The following PAG1 variants were observed in gnomAD, a reference collection of about 807,000 sequenced individuals.
The protein encoded by PAG1 is phosphoprotein membrane anchor with glycosphingolipid microdomains 1, also known as phosphoprotein associated with glycosphingolipid-enriched microdomains 1.
PAG1 carries 23 observed loss-of-function variants against 31.7 expected under a neutral mutation model. The ratio of observed to expected loss-of-function variants is 0.73; its 90% CI spans 0.52 to 1.03. The LOEUF (loss-of-function observed/expected upper bound fraction) is 1.03, where lower values mean the gene tolerates loss of function less well. Ranked by LOEUF, PAG1 falls within the 50% of genes least tolerant of loss-of-function variation. The pLI is 0.00. For missense variants in PAG1, 473 were observed against 540.7 expected (o/e 0.87, Z 1.24); for synonymous variants, 214 against 210.3 (o/e 1.02, Z -0.15).
At chr8:81,080,848 G>C (rs1043830562) in intron 1 of PAG1, among the ~76,000 whole-genome samples, 23 of 152,136 alleles carry the variant, frequency 1.5e-4, no homozygotes, top group African/African-American at 5.6e-4. Flanking sequence ...ATGGGATTTT[G>C]ATAGGAAAAG....
chr8:81,036,303 C>A (rs1391803773), intron 2 of PAG1, among the ~76,000 whole-genome samples: 1 of 152,170 alleles, frequency 6.6e-6, no homozygotes, highest in African/African-American at 2.4e-5. Context: ...GATATGCCTA[C>A]CAAACCAGTT....
In PAG1 at chr8:80,967,947, C is replaced by G. The variant is rs1806996707; in HGVS notation, c.*8597G>C. On this transcript the variant is annotated 3_prime_UTR_variant, in exon 9 of 9. Transcript: ENST00000220597. ...TTGAATAAGTTTTATTACATGTAAA[C>G]TATAAGATATTACAAGTTAAACTCC... The G allele has an allele frequency of 6.6e-6, 1 of 152,108 alleles. No individual in the cohort carries two copies. Among genetic ancestry groups the G allele is most frequent in the Non-Finnish European group, 1.5e-5 (1 of 68,030 alleles). The allele number at this position is 152,108 out of a possible 1,614,324, so 9.4% of individuals were successfully genotyped here.
chr8:81,073,907 T>TG (rs1023406645), intron 1 of PAG1, among the ~76,000 whole-genome samples: 19 of 150,828 alleles, frequency 1.3e-4, no homozygotes, highest in African/African-American at 4.1e-4. Flanking sequence ...GACCTGAAGG[T>TG]GGGGGGGAGG....
chr8:80,991,203 G>C (rs1488742615), intron 5 of PAG1, among the ~76,000 whole-genome samples: 1 of 152,140 alleles, frequency 6.6e-6, no homozygotes, highest in Non-Finnish European at 1.5e-5. Context: ...AAACAAACTT[G>C]TTATTTAAGC....
At chr8:81,060,541 C>T (rs1398475105) in intron 2 of PAG1, among the ~76,000 whole-genome samples, 1 of 152,078 alleles carries the variant, frequency 6.6e-6, no homozygotes, top group African/African-American at 2.4e-5. Context: ...CTATTCTTTC[C>T]AGAACAAAAT....
At chr8:81,013,293 AGGT>A (rs1732734991) in intron 3 of PAG1, among the ~76,000 whole-genome samples, 1 of 152,158 alleles carries the variant, frequency 6.6e-6, no homozygotes, top group African/African-American at 2.4e-5. Flanking sequence ...ATTTCCCATC[AGGT>A]TGCCATGATC....
chr8:80,968,298 G>A lies in PAG1; in HGVS notation c.*8246C>T, dbSNP rs1201264553. Reference sequence around the variant, plus strand: ...ATCTCTATGAGGTAGGCAATGGTTAGTATCATTATCCCCATTTTGTATATG... The same window carrying A: ...ATCTCTATGAGGTAGGCAATGGTTAATATCATTATCCCCATTTTGTATATG... On this transcript the variant is annotated 3_prime_UTR_variant, in exon 9 of 9. Coordinates refer to ENST00000220597, the MANE Select transcript of PAG1 (RefSeq NM_018440.4). 2 of 152,278 alleles carry A rather than the reference G, an allele frequency of 1.3e-5. No individual in the cohort carries two copies. The highest frequency in any genetic ancestry group is 2.1e-4 in the South Asian group (1 of 4,826). 9.4% of individuals were successfully genotyped at this position (152,278 alleles called of 1,614,324 possible).
chr8:81,045,084 C>T (rs946814715), intron 2 of PAG1, among the ~76,000 whole-genome samples: 1 of 152,228 alleles, frequency 6.6e-6, no homozygotes, highest in East Asian at 1.9e-4. Flanking sequence ...AGTCACCACA[C>T]ACAGAATGTC....
chr8:81,102,428 C>A (rs921653082), intron 1 of PAG1, among the ~76,000 whole-genome samples: 2 of 152,036 alleles, frequency 1.3e-5, no homozygotes, highest in South Asian at 4.1e-4. Flanking sequence ...CTTTTCCTAC[C>A]AAAGCTAAAA....
intron 1 of PAG1, among the ~76,000 whole-genome samples, chr8:81,070,881 T>C (rs1375119827): frequency 6.6e-6 from 1 of 152,178 alleles, no homozygotes; most frequent in Non-Finnish European, 1.5e-5. Context: ...TGTAGAACTG[T>C]GCATCTAAGT....
intron 3 of PAG1, among the ~76,000 whole-genome samples, chr8:81,028,043 G>A (rs1275166257): frequency 6.6e-6 from 1 of 152,062 alleles, no homozygotes; most frequent in Non-Finnish European, 1.5e-5. Flanking sequence ...CCACTCTCTA[G>A]CTCACACTGT....
intron 1 of PAG1, among the ~76,000 whole-genome samples, chr8:81,074,614 T>C (rs1586204005): frequency 6.6e-6 from 1 of 152,144 alleles, no homozygotes; most frequent in South Asian, 2.1e-4. Context: ...GTTTCTGCAG[T>C]ATCTGGGGAC....
intron 2 of PAG1, among the ~76,000 whole-genome samples, chr8:81,031,522 C>T (rs1401542327): frequency 6.6e-6 from 1 of 152,160 alleles, no homozygotes; most frequent in African/African-American, 2.4e-5. Context: ...CATGGTCAAT[C>T]CAGGGAATTC....
intron 2 of PAG1, among the ~76,000 whole-genome samples, chr8:81,039,066 G>C (rs896333595): frequency 1.4e-4 from 21 of 152,130 alleles, no homozygotes; most frequent in Admixed American, 1.0e-3. Context: ...GTGTTTAGAA[G>C]AACTACAAGT....
chr8:81,029,362 TCTCA>T lies in PAG1; in HGVS notation c.-81+630_-81+633del, dbSNP rs761922201. ...CTTCTTTGGTCTCTCTCTCTCTCTC[TCTCA>T]CACACACACACACACACACACACCC... is the stretch of plus-strand genomic sequence containing the variant. On this transcript the variant is annotated intron_variant, in intron 3 of 8. Transcript: ENST00000220597. Among the ~76,000 whole-genome samples, 309 of 150,092 alleles carry T rather than the reference TCTCA, an allele frequency of 2.1e-3. 1 individual carries two copies. The highest frequency in any genetic ancestry group is 4.3e-3 in the African/African-American group (175 of 40,548).
At chr8:81,087,556 T>A (rs549938002) in intron 1 of PAG1, among the ~76,000 whole-genome samples, 9 of 152,120 alleles carry the variant, frequency 5.9e-5, no homozygotes, top group Admixed American at 1.3e-4. Flanking sequence ...GATAAGTCAA[T>A]TGAGGAATAT....
chr8:81,060,320 C>T (rs890184406), intron 2 of PAG1, among the ~76,000 whole-genome samples: 13 of 152,090 alleles, frequency 8.5e-5, no homozygotes, highest in Non-Finnish European at 1.8e-4. Flanking sequence ...AATTAGTACA[C>T]CTAACTTTTA....
chr8:81,110,642 A>T lies in PAG1; in HGVS notation c.-234+949T>A, dbSNP rs150795688. Reference sequence around the variant, plus strand: ...TTCCACTTTTTCTAAAACAAAGGGGATGTGTTCAAAAAGCGGTCCTCTGCA... The same window carrying T: ...TTCCACTTTTTCTAAAACAAAGGGGTTGTGTTCAAAAAGCGGTCCTCTGCA... On this transcript the variant is annotated intron_variant, in intron 1 of 8. Coordinates refer to ENST00000220597, the MANE Select transcript of PAG1 (RefSeq NM_018440.4). Among the ~76,000 whole-genome samples, 21 of 152,332 alleles carry T rather than the reference A, an allele frequency of 1.4e-4. No individual in the cohort carries two copies. The East Asian group carries it at 4.0e-3, about 29-fold the overall frequency.
At position 81,089,440 on chromosome 8, in the gene PAG1, T is replaced by C. The variant is rs371951333; in HGVS notation, c.-233-19270A>G. Among the ~76,000 whole-genome samples, 17 of 152,122 alleles carry C rather than the reference T, an allele frequency of 1.1e-4. No homozygotes were observed. The East Asian group carries it at 1.7e-3, about 16-fold the overall frequency. ...AAAATTAGCCAGGTGTGGTGGTGGG[T>C]GCCTGTAGTCCCAGCTACTAGGGAG... On this transcript the variant is annotated intron_variant, in intron 1 of 8. Transcript: ENST00000220597.
Sources: gnomAD v4.1 joint callset for allele counts (sites outside exome capture counted in the v4.1 genomes callset) on GRCh38, gnomAD v4.1.1 for gene constraint, MANE v1.5 for transcripts, NCBI Gene and HGNC (gene_info 2026-07-23, HGNC 2026-07-21) for gene names.